Variants in XKR9 observed in about 807,000 individuals in gnomAD.
XKR9 encodes XK related 9.
A neutral mutation model predicts 32.0 loss-of-function variants in XKR9; 32 were observed. That is an observed-to-expected ratio of 1.00 (90% CI 0.76 to 1.34). The LOEUF (loss-of-function observed/expected upper bound fraction) is 1.34, where lower values mean the gene tolerates loss of function less well. Among genes scored for constraint, XKR9 ranks in the 40% most tolerant of loss-of-function variants. XKR9 has a pLI of 0.00. For synonymous variants in XKR9, 168 were observed against 143.4 expected (o/e 1.17, Z -1.22); for missense variants, 546 against 429.7 (o/e 1.27, Z -2.39).
At chr8:70,818,982 T>C in the XKR9 span, among the ~76,000 whole-genome samples, 1 of 152,218 alleles carries the variant, frequency 6.6e-6, no homozygotes, top group East Asian at 1.9e-4. Context: ...AATGTGCCTC[T>C]AAGGACTGCA....
chr8:70,924,745 G>A, the XKR9 span, among the ~76,000 whole-genome samples: 2 of 152,316 alleles, frequency 1.3e-5, no homozygotes, highest in Non-Finnish European at 2.9e-5. Flanking sequence ...TTTGCTTGAA[G>A]ACCCAGGACA....
the XKR9 span, among the ~76,000 whole-genome samples, chr8:70,935,206 T>TACACACACAC: frequency 5.3e-3 from 439 of 82,578 alleles, no homozygotes; most frequent in African/African-American, 0.027. Flanking sequence ...CATATACATA[T>TACACACACAC]ATACACACAC....
the XKR9 span, among the ~76,000 whole-genome samples, chr8:70,926,113 TGCCTAGGCTGGAGTGCAATG>T: frequency 6.6e-6 from 1 of 152,226 alleles, no homozygotes; most frequent in Non-Finnish European, 1.5e-5. Context: ...TTGCTCTTGT[TGCCTAGGCTGGAGTGCAATG>T]GCGCGATCTC....
At chr8:70,786,170 C>G (rs1807686411) in intron 2 of XKR9, among the ~76,000 whole-genome samples, 1 of 152,038 alleles carries the variant, frequency 6.6e-6, no homozygotes, top group African/African-American at 2.4e-5. Flanking sequence ...CTTAAATATG[C>G]TGAGGCTTGT....
At chr8:70,853,253 T>C in the XKR9 span, among the ~76,000 whole-genome samples, 1 of 151,972 alleles carries the variant, frequency 6.6e-6, no homozygotes, top group African/African-American at 2.4e-5. Flanking sequence ...AGTCTGGGAA[T>C]GGCAGTGAGG....
the XKR9 span, among the ~76,000 whole-genome samples, chr8:70,970,959 T>C: frequency 6.6e-6 from 1 of 152,226 alleles, no homozygotes; most frequent in Non-Finnish European, 1.5e-5. Context: ...ACTGGGTATA[T>C]ACCCAAAGGA....
chr8:70,968,182 A>G, the XKR9 span, among the ~76,000 whole-genome samples: 2 of 152,074 alleles, frequency 1.3e-5, no homozygotes, highest in Admixed American at 1.3e-4. Context: ...TATTTCAGAA[A>G]GATAGTCTTC....
At chr8:70,870,351 A>G in the XKR9 span, among the ~76,000 whole-genome samples, 1 of 152,186 alleles carries the variant, frequency 6.6e-6, no homozygotes, top group Admixed American at 6.5e-5. Flanking sequence ...ATTAATGACT[A>G]AGTTTAAAAG....
At chr8:70,807,386 A>G in the XKR9 span, among the ~76,000 whole-genome samples, 3 of 152,222 alleles carry the variant, frequency 2.0e-5, no homozygotes, top group Non-Finnish European at 4.4e-5. Context: ...CAGCATCATG[A>G]TGATGGGATC....
chr8:71,021,542 G>C, the XKR9 span, among the ~76,000 whole-genome samples: 3 of 120,858 alleles, frequency 2.5e-5, no homozygotes, highest in Non-Finnish European at 4.8e-5. Flanking sequence ...TCGCTCTGTC[G>C]CCCAGGCTGG....
chr8:71,025,056 G>A, the XKR9 span, among the ~76,000 whole-genome samples: 1 of 152,074 alleles, frequency 6.6e-6, no homozygotes, highest in East Asian at 1.9e-4. Context: ...TTCTAATAAC[G>A]CTGTGAAGTA....
the XKR9 span, among the ~76,000 whole-genome samples, chr8:71,063,620 G>C: frequency 6.6e-6 from 1 of 151,844 alleles, no homozygotes; most frequent in African/African-American, 2.4e-5. Context: ...CAAAGGGGAA[G>C]GTTTTTAACC....
At chr8:71,055,211 C>T in the XKR9 span, among the ~76,000 whole-genome samples, 1 of 152,128 alleles carries the variant, frequency 6.6e-6, no homozygotes, top group East Asian at 1.9e-4. Context: ...TACCCACTTC[C>T]TTTTTGTCTG....
chr8:70,739,290 T>C (rs574495133), downstream of XKR9, among the ~76,000 whole-genome samples: 41 of 152,104 alleles, frequency 2.7e-4, no homozygotes, highest in Non-Finnish European at 5.3e-4. Flanking sequence ...ATGATTGCAA[T>C]CCCTGCCTTT....
the XKR9 span, among the ~76,000 whole-genome samples, chr8:70,879,364 C>G: frequency 6.6e-6 from 1 of 151,672 alleles, no homozygotes; most frequent in Non-Finnish European, 1.5e-5. Context: ...ACAATGAATC[C>G]AGGAGCTGGT....
chr8:70,781,206 C>T lies in XKR9; in HGVS notation n.353-8133C>T, dbSNP rs539626239. On this transcript the variant is annotated intron_variant and non_coding_transcript_variant, in intron 2 of 3. Coordinates refer to the XKR9 transcript ENST00000520273. ...AGCATCTTTTCATGTGCTTATTTGC[C>T]ACTTGTGTATCTTTTTTGGAAAAAT... 1.1e-3 allele frequency among the ~76,000 whole-genome samples: 167 copies of T among 152,084 alleles called. 1 individual carries two copies. Among genetic ancestry groups the T allele is most frequent in the Non-Finnish European group, 2.2e-3 (147 of 67,960 alleles).
intron 2 of XKR9, among the ~76,000 whole-genome samples, chr8:70,764,639 T>C (rs1402063808): frequency 6.6e-6 from 1 of 152,168 alleles, no homozygotes; most frequent in East Asian, 1.9e-4. Flanking sequence ...ATGTGCAGAA[T>C]GTGTAGGTTT....
chr8:70,837,709 T>G, the XKR9 span, among the ~76,000 whole-genome samples: 1 of 152,082 alleles, frequency 6.6e-6, no homozygotes, highest in Admixed American at 6.6e-5. Flanking sequence ...AGAACACCTA[T>G]TTAATTATTG....
chr8:70,809,992 A>G, the XKR9 span, among the ~76,000 whole-genome samples: 1 of 152,216 alleles, frequency 6.6e-6, no homozygotes, highest in East Asian at 1.9e-4. Context: ...TAATTGTCAA[A>G]TTCACCAAAG....
Sources: allele counts gnomAD v4.1 joint callset (sites outside exome capture counted in the v4.1 genomes callset), GRCh38; gene constraint gnomAD v4.1.1; transcripts MANE v1.5; gene names NCBI Gene and HGNC (gene_info 2026-07-23, HGNC 2026-07-21).